PACS1: variants seen among roughly 807,000 people sequenced by gnomAD.
PACS1 encodes PACS-1.
PACS1 carries 24 observed loss-of-function variants against 115.0 expected under a neutral mutation model. The observed-to-expected ratio is 0.21, with a 90% CI of 0.15 to 0.29. PACS1 has a LOEUF of 0.29. Ranked by LOEUF, PACS1 falls within the 10% of genes least tolerant of loss-of-function variation. PACS1 has a pLI of 1.00. For synonymous variants in PACS1, 453 were observed against 504.5 expected, an observed-to-expected ratio of 0.90 and a Z score of 1.37; for missense variants, 838 against 1,251.2, an observed-to-expected ratio of 0.67 and a Z score of 4.98.
chr11:66,141,728 G>A (rs549962446), intron 1 of PACS1, among the ~76,000 whole-genome samples: 45 of 151,390 alleles, frequency 3.0e-4, no homozygotes, highest in Non-Finnish European at 5.4e-4. Flanking sequence ...AGCCTCCTAC[G>A]TAATGGGCCC....
chr11:66,162,097 TTGG>T (rs1859499337), intron 1 of PACS1, among the ~76,000 whole-genome samples: 1 of 148,938 alleles, frequency 6.7e-6, no homozygotes, highest in African/African-American at 2.5e-5. Context: ...ATGTTTTCTG[TTGG>T]TGGTGGTGGT....
chr11:66,080,655 A>G (rs1857463156), intron 1 of PACS1, among the ~76,000 whole-genome samples: 1 of 152,200 alleles, frequency 6.6e-6, no homozygotes, highest in Non-Finnish European at 1.5e-5. Context: ...CTCATGACTC[A>G]TGATTGCCAG....
chr11:66,146,867 C>G (rs536613692), intron 1 of PACS1, among the ~76,000 whole-genome samples: 1 of 152,204 alleles, frequency 6.6e-6, no homozygotes, highest in Non-Finnish European at 1.5e-5. Flanking sequence ...CCAGCCTGGC[C>G]AACATGGTGA....
chr11:66,197,428 A>G (rs1306700810), intron 2 of PACS1, among the ~76,000 whole-genome samples: 1 of 152,198 alleles, frequency 6.6e-6, no homozygotes, highest in African/African-American at 2.4e-5. Flanking sequence ...TTTGGAAAAA[A>G]AATTTTTACT....
At chr11:66,080,562 C>T (rs964837614) in intron 1 of PACS1, among the ~76,000 whole-genome samples, 2 of 152,104 alleles carry the variant, frequency 1.3e-5, no homozygotes, top group Admixed American at 6.5e-5. Flanking sequence ...TCCCTTTTCT[C>T]AGAAGGGAAA....
intron 1 of PACS1, among the ~76,000 whole-genome samples, chr11:66,119,640 A>G (rs191569939): frequency 1.3e-4 from 20 of 152,382 alleles, no homozygotes; most frequent in African/African-American, 4.8e-4. Flanking sequence ...GGCGGATCTC[A>G]GTGCACAGGC....
chr11:66,229,717 A>G (rs1855543586), intron 11 of PACS1, among the ~76,000 whole-genome samples: 1 of 151,990 alleles, frequency 6.6e-6, no homozygotes, highest in African/African-American at 2.4e-5. Flanking sequence ...AATAAAATAA[A>G]TAAAAAAGGA....
chr11:66,084,635 G>A (rs1225547161), intron 1 of PACS1, among the ~76,000 whole-genome samples: 2 of 152,156 alleles, frequency 1.3e-5, no homozygotes, highest in Admixed American at 6.5e-5. Flanking sequence ...CAAGCCTGAA[G>A]GATTTGCCTA....
intron 1 of PACS1, among the ~76,000 whole-genome samples, chr11:66,088,425 T>C (rs1857607654): frequency 6.6e-6 from 1 of 152,228 alleles, no homozygotes; most frequent in Non-Finnish European, 1.5e-5. Flanking sequence ...GAAATTGATA[T>C]TTGTATGTGA....
In PACS1 at chr11:66,234,697, G is replaced by A. The variant is rs150111133; in HGVS notation, c.2104+455G>A. On this transcript the variant is annotated intron_variant, in intron 17 of 23. Coordinates refer to ENST00000320580, the MANE Select transcript of PACS1 (RefSeq NM_018026.4). ...GTTCAAGACCAGCCTGGGCAACATA[G>A]CAAGACCCTGTCTCTACAAAAATAC... Among the ~76,000 whole-genome samples, 69 of 152,226 alleles carry A rather than the reference G, an allele frequency of 4.5e-4. 1 individual carries two copies. The East Asian group carries it at 0.013, about 28-fold the overall frequency.
intron 1 of PACS1, among the ~76,000 whole-genome samples, chr11:66,090,237 T>A (rs1857636667): frequency 6.6e-6 from 1 of 151,136 alleles, no homozygotes; most frequent in Non-Finnish European, 1.5e-5. Context: ...TTTCTTCTTT[T>A]CTTTCTCTTC....
At chr11:66,151,109 C>G (rs919643465) in intron 1 of PACS1, among the ~76,000 whole-genome samples, 4 of 152,034 alleles carry the variant, frequency 2.6e-5, no homozygotes, top group African/African-American at 9.7e-5. Context: ...TCCTGGTTGA[C>G]TATTAAACTC....
intron 4 of PACS1, among the ~76,000 whole-genome samples, chr11:66,214,625 T>TC (rs1472296487): frequency 1.4e-5 from 2 of 140,582 alleles, no homozygotes; most frequent in Non-Finnish European, 3.2e-5. Flanking sequence ...CTTTTCTTTT[T>TC]TTTTTTTTTT....
chr11:66,217,109 G>A (rs533863663), intron 7 of PACS1: 29 of 359,626 alleles, frequency 8.1e-5, no homozygotes, highest in South Asian at 8.0e-4. Flanking sequence ...GTCACATGCT[G>A]TCCTCTGCAG....
At chr11:66,145,269 C>T (rs542935522) in intron 1 of PACS1, among the ~76,000 whole-genome samples, 3 of 152,312 alleles carry the variant, frequency 2.0e-5, no homozygotes, top group Admixed American at 1.3e-4. Flanking sequence ...TTACTCCCAT[C>T]CCTTCCTGCC....
chr11:66,172,985 A>G (rs899859817), intron 1 of PACS1, among the ~76,000 whole-genome samples: 7 of 151,952 alleles, frequency 4.6e-5, no homozygotes, highest in Non-Finnish European at 8.8e-5. Flanking sequence ...AAAAAAAAAA[A>G]AAAAAAAGTG....
intron 2 of PACS1, among the ~76,000 whole-genome samples, chr11:66,195,856 T>C (rs558437001): frequency 6.6e-6 from 1 of 152,354 alleles, no homozygotes; most frequent in Admixed American, 6.5e-5. Flanking sequence ...AAAGGAGATC[T>C]GCAGACCCTG....
At chr11:66,212,457 G>A (rs1272194398) in intron 4 of PACS1, among the ~76,000 whole-genome samples, 2 of 145,936 alleles carry the variant, frequency 1.4e-5, no homozygotes, top group Non-Finnish European at 3.0e-5. Flanking sequence ...TTTTTTTAGA[G>A]ACGAGGTCTT....
At chr11:66,107,110 G>A (rs1001431184) in intron 1 of PACS1, among the ~76,000 whole-genome samples, 1 of 152,136 alleles carries the variant, frequency 6.6e-6, no homozygotes, top group Non-Finnish European at 1.5e-5. Flanking sequence ...CCATTCAGTG[G>A]TCTGTGAGTC....
Sources: allele counts gnomAD v4.1 joint callset (sites outside exome capture counted in the v4.1 genomes callset), GRCh38; gene constraint gnomAD v4.1.1; transcripts MANE v1.5; gene names NCBI Gene and HGNC (gene_info 2026-07-23, HGNC 2026-07-21).